HERC2: variants seen among roughly 807,000 people sequenced by gnomAD.
The protein encoded by HERC2 is HECT and RLD domain containing E3 ubiquitin protein ligase 2, also known as E3 ubiquitin-protein ligase HERC2.
A neutral mutation model predicts 537.7 loss-of-function variants in HERC2; 102 were observed. That is an observed-to-expected ratio of 0.19 (90% CI 0.16 to 0.22). The LOEUF (loss-of-function observed/expected upper bound fraction) is 0.22, where lower values mean the gene tolerates loss of function less well. Among genes scored for constraint, HERC2 ranks in the 10% least tolerant of loss-of-function variants. The pLI is 1.00. For synonymous variants in HERC2, 2,224 were observed against 2,466.2 expected (o/e 0.90, Z 2.91); for missense variants, 4,236 against 6,198.2 (o/e 0.68, Z 10.63).
At chr15:28,168,246 T>G (rs187655419) in intron 67 of HERC2, among the ~76,000 whole-genome samples, 161 bp downstream of exon 67, 1 of 152,300 alleles carries the variant, frequency 6.6e-6, no homozygotes, top group Admixed American at 6.5e-5. Flanking sequence ...ACTTAAGCAC[T>G]TTAAAAGCTC....
chr15:28,256,105 A>T lies in HERC2; in HGVS notation c.2730T>A (p.Ala910=). 1 of 1,603,150 alleles carries T rather than the reference A, an allele frequency of 6.2e-7. No homozygotes were observed. Among genetic ancestry groups the T allele is most frequent in the Non-Finnish European group, 8.5e-7 (1 of 1,179,248 alleles). ...TAEERARALS[A]LLPCAVSGNE... ...CAGGCCCACCTGCGCAGGGCAGGAGAGCAGAGAGTGCCCGGGCCCGCTCCT... is the reference window on the plus strand; with the variant it reads ...CAGGCCCACCTGCGCAGGGCAGGAGTGCAGAGAGTGCCCGGGCCCGCTCCT... Residue 910 remains alanine (A), a synonymous_variant, in exon 18 of 93, where the codon GCT becomes GCA. Coordinates refer to ENST00000261609, the MANE Select transcript of HERC2 (RefSeq NM_004667.6).
chr15:28,296,885 A>C (rs3881387), intron 3 of HERC2, among the ~76,000 whole-genome samples: 1 of 151,884 alleles, frequency 6.6e-6, no homozygotes. Context: ...AATTGTCCTT[A>C]GTCCTTATGT....
At chr15:28,241,319 A>G (rs1024236673) in intron 23 of HERC2, among the ~76,000 whole-genome samples, 7 of 152,058 alleles carry the variant, frequency 4.6e-5, no homozygotes, top group African/African-American at 1.7e-4. Context: ...CAAAACCACA[A>G]TGAGATACCA....
chr15:28,157,347 G>A (rs559405380), intron 69 of HERC2, among the ~76,000 whole-genome samples: 7 of 152,332 alleles, frequency 4.6e-5, no homozygotes, highest in African/African-American at 1.7e-4. Context: ...ACCTCTGACA[G>A]AATTCAGCTG....
At chr15:28,198,323 C>T in intron 50 of HERC2, 55 bp downstream of exon 50, 2 of 1,565,832 alleles carry the variant, frequency 1.3e-6, no homozygotes, top group Non-Finnish European at 1.7e-6. Context: ...ATACTAAGTA[C>T]ACATGCGTTA....
intron 85 of HERC2, among the ~76,000 whole-genome samples, 192 bp from the exon 86 acceptor site, chr15:28,121,621 CCAGG>C (rs1888900093): frequency 6.6e-6 from 1 of 152,204 alleles, no homozygotes; most frequent in Non-Finnish European, 1.5e-5. Context: ...GGACAGACGG[CCAGG>C]CAGGTAGTGC....
intron 69 of HERC2, among the ~76,000 whole-genome samples, chr15:28,155,201 T>C (rs1230605113): frequency 6.6e-6 from 1 of 152,120 alleles, no homozygotes; most frequent in Non-Finnish European, 1.5e-5. Context: ...GTCTTTGCTA[T>C]TGTGAATAGT....
chr15:28,153,146 G>A (rs1892627838), intron 69 of HERC2, among the ~76,000 whole-genome samples: 1 of 152,206 alleles, frequency 6.6e-6, no homozygotes, highest in African/African-American at 2.4e-5. Flanking sequence ...CTGAGGTCAG[G>A]AGTTCGAGAT....
At chr15:28,316,294 T>TA (rs1405318933) in intron 2 of HERC2, among the ~76,000 whole-genome samples, 5 of 151,938 alleles carry the variant, frequency 3.3e-5, no homozygotes, top group African/African-American at 1.2e-4. Context: ...CCTTTTTTTT[T>TA]AATAACTAGT....
intron 57 of HERC2, among the ~76,000 whole-genome samples, chr15:28,181,511 T>C (rs980815935): frequency 7.9e-5 from 12 of 152,202 alleles, no homozygotes; most frequent in African/African-American, 2.9e-4. Context: ...ATTTCTCAGT[T>C]TCTCAATAGG....
chr15:28,164,591 T>C (rs1034734034), intron 68 of HERC2, among the ~76,000 whole-genome samples: 1 of 152,156 alleles, frequency 6.6e-6, no homozygotes, highest in Non-Finnish European at 1.5e-5. Flanking sequence ...ACAGAAAATA[T>C]GTCTAGAAGA....
At position 28,201,479 on chromosome 15, in the gene HERC2, C is replaced by T. The variant is rs1368048302; in HGVS notation, c.7693G>A (p.Val2565Ile). Residue 2565 changes from valine to isoleucine, a missense_variant, in exon 48 of 93, where the codon GTA (valine) becomes ATA (isoleucine). Transcript: ENST00000261609. ...ADFLSNDDYAVYVRENIQVGM... is the reference protein window; with the variant it reads ...ADFLSNDDYAIYVRENIQVGM... The stretch of plus-strand genomic sequence containing the variant: ...ACCTGAATATTCTCTCTCACATATA[C>T]AGCATAATCATCATTACTCAAGAAA... The T allele has an allele frequency of 6.8e-6, 11 of 1,607,848 alleles. 1 individual carries two copies. The highest frequency in any genetic ancestry group is 9.4e-6 in the Non-Finnish European group (11 of 1,174,304).
In HERC2 at chr15:28,299,846, A is replaced by G. The variant is rs149112375; in HGVS notation, c.73-330T>C. 6.9e-3 allele frequency among the ~76,000 whole-genome samples: 1,048 copies of G among 152,082 alleles called. 13 individuals carry two copies. Among genetic ancestry groups the G allele is most frequent in the African/African-American group, 0.024 (1,016 of 41,510 alleles). On this transcript the variant is annotated intron_variant, in intron 2 of 92. Transcript: ENST00000261609. ...CGGGGCACATCACGGGGGATCAGGA[A>G]TTTGAGACCAGCCTGGCCAACACGG...
At chr15:28,262,372 C>T (rs1306455034) in intron 15 of HERC2, among the ~76,000 whole-genome samples, 2 of 152,174 alleles carry the variant, frequency 1.3e-5, no homozygotes, top group African/African-American at 4.8e-5. Flanking sequence ...ACCGGCAGCC[C>T]ACACTGAAGG....
chr15:28,141,306 C>G, intron 78 of HERC2, 126 bp downstream of exon 78: 1 of 700,112 alleles, frequency 1.4e-6, no homozygotes, highest in Non-Finnish European at 2.5e-6. Flanking sequence ...TCCTGCATAC[C>G]ACAGTATCAT....
chr15:28,254,137 G>C (rs1194817330), intron 20 of HERC2, among the ~76,000 whole-genome samples: 1 of 152,088 alleles, frequency 6.6e-6, no homozygotes, highest in Non-Finnish European at 1.5e-5. Flanking sequence ...TACAAGATTA[G>C]TCGGGTGTGG....
At chr15:28,241,275 G>A (rs1355073406) in intron 23 of HERC2, among the ~76,000 whole-genome samples, 1 of 151,928 alleles carries the variant, frequency 6.6e-6, no homozygotes, top group Non-Finnish European at 1.5e-5. Flanking sequence ...ATGAAAAGAT[G>A]CTTGACATCA....
rs547332001 is a variant in HERC2 at position 28,268,796 on chromosome 15, G to A, written c.1447-180C>T. On this transcript the variant is annotated intron_variant, in intron 11 of 92. Coordinates refer to ENST00000261609, the MANE Select transcript of HERC2 (RefSeq NM_004667.6). The surrounding 1 kb of genome is among the most constrained non-coding windows in gnomAD (Gnocchi z 4.7). ...TCCCACCCAGCAGCAACAGAACAGC[G>A]GGCAGCCTCCAAGTGCTCTGCAGCA... Among the ~76,000 whole-genome samples, 14 of 152,296 alleles carry A rather than the reference G, an allele frequency of 9.2e-5. No individual in the cohort carries two copies. Among genetic ancestry groups the A allele is most frequent in the Admixed American group, 6.5e-4 (10 of 15,304 alleles).
chr15:28,128,082 G>A (rs1889700009), intron 83 of HERC2, among the ~76,000 whole-genome samples: 1 of 152,132 alleles, frequency 6.6e-6, no homozygotes, highest in Non-Finnish European at 1.5e-5. Flanking sequence ...CACACAACCC[G>A]AATCTACGCA....
Sources: allele counts gnomAD v4.1 joint callset (sites outside exome capture counted in the v4.1 genomes callset), GRCh38; gene constraint gnomAD v4.1.1; non-coding constraint Gnocchi (gnomAD v3.1); transcripts MANE v1.5; gene names NCBI Gene and HGNC (gene_info 2026-07-23, HGNC 2026-07-21).